RARB: variants seen among roughly 807,000 people sequenced by gnomAD.
RARB encodes HBV-activated protein.
A neutral mutation model predicts 51.9 loss-of-function variants in RARB; 17 were observed. That is an observed-to-expected ratio of 0.33 (90% CI 0.22 to 0.49). The LOEUF is 0.49. RARB is among the 20% of genes least tolerant of loss of function. The probability of loss-of-function intolerance (pLI) is 0.99; values close to 1 mark genes in which losing one functional copy is unlikely to be tolerated. For synonymous variants in RARB, 215 were observed against 195.4 expected, an observed-to-expected ratio of 1.10 and a Z score of -0.84; for missense variants, 369 against 550.8, an observed-to-expected ratio of 0.67 and a Z score of 3.30.
chr3:25,044,880 T>A (rs2125296750), intron 2 of RARB, among the ~76,000 whole-genome samples: 1 of 152,304 alleles, frequency 6.6e-6, no homozygotes, highest in East Asian at 1.9e-4. Flanking sequence ...AGCAGTCCTG[T>A]CTCTCTTTAT....
chr3:25,567,201 T>C lies in RARB; in HGVS notation c.449-2557T>C, dbSNP rs557367180. On this transcript the variant is annotated intron_variant, in intron 3 of 7. Coordinates refer to ENST00000330688, the MANE Select transcript of RARB (RefSeq NM_000965.5). ...CATTTTAAACTGTACCATTCAGCGG[T>C]GCGTAGTGGATCCACTAAGTTGTGC... Among the ~76,000 whole-genome samples, 15 of 152,292 alleles carry C rather than the reference T, an allele frequency of 9.8e-5. No homozygotes were observed. In the South Asian group the frequency reaches 3.1e-3, roughly 32 times the overall value.
intron 5 of RARB, among the ~76,000 whole-genome samples, chr3:25,186,941 T>TGTG (rs1700993147): frequency 1.8e-5 from 1 of 56,328 alleles, no homozygotes; most frequent in Admixed American, 2.1e-4. Flanking sequence ...GTGTGTGTGT[T>TGTG]TTCCTGCTAA....
intron 3 of RARB, among the ~76,000 whole-genome samples, chr3:25,068,390 C>T (rs1698706168): frequency 1.3e-5 from 2 of 151,634 alleles, no homozygotes; most frequent in Admixed American, 6.6e-5. Context: ...CATACTTCTC[C>T]CATGACAAGA....
In RARB at chr3:25,593,927, CTATTA is replaced by C. The variant is rs914878091; in HGVS notation, c.991+221_991+225del. On this transcript the variant is annotated intron_variant, in intron 6 of 7. Transcript: ENST00000330688. ...CTGCTCAGAAAGAAATCCCAAAAAG[CTATTA>C]CTCCAATTGCCACAGATTTTTTTTC... is the stretch of plus-strand genomic sequence containing the variant. Among the ~76,000 whole-genome samples the C allele has an allele frequency of 3.3e-4, 50 of 152,210 alleles. 1 individual carries two copies. The Middle Eastern group carries it at 0.01, about 31-fold the overall frequency.
intron 5 of RARB, among the ~76,000 whole-genome samples, chr3:25,410,808 A>G (rs559223764): frequency 5.5e-4 from 84 of 152,338 alleles, no homozygotes; most frequent in African/African-American, 2.0e-3. Context: ...CAAACACTGC[A>G]TATCAGGGCC....
intron 2 of RARB, among the ~76,000 whole-genome samples, chr3:25,481,360 C>T (rs112648963): frequency 1.2e-4 from 18 of 152,138 alleles, no homozygotes; most frequent in African/African-American, 4.1e-4. Flanking sequence ...CCTTAAATGC[C>T]AGGAAGAAAT....
At chr3:25,482,589 G>A (rs1447335066) in intron 2 of RARB, among the ~76,000 whole-genome samples, 2 of 132,056 alleles carry the variant, frequency 1.5e-5, no homozygotes, top group Non-Finnish European at 3.0e-5. Context: ...TCCCAGGCCG[G>A]AGTGCAGTGG....
intron 3 of RARB, among the ~76,000 whole-genome samples, chr3:25,066,604 A>AACACACACACACAC (rs5847340): frequency 2.7e-5 from 4 of 146,728 alleles, no homozygotes; most frequent in South Asian, 2.2e-4. Context: ...CGCACACATA[A>AACACACACACACAC]ACACACACAC....
chr3:25,326,778 A>T (rs1316800254), intron 5 of RARB, among the ~76,000 whole-genome samples: 1 of 152,178 alleles, frequency 6.6e-6, no homozygotes, highest in East Asian at 1.9e-4. Context: ...GGTAGGCTGG[A>T]TGACAATATC....
intron 3 of RARB, among the ~76,000 whole-genome samples, chr3:25,103,503 C>T (rs1021512023): frequency 4.6e-5 from 7 of 152,168 alleles, no homozygotes; most frequent in African/African-American, 1.7e-4. Context: ...GAACTCCTGC[C>T]ATCTTCAGGA....
chr3:24,839,801 AC>A (rs1702396533), intron 1 of RARB, among the ~76,000 whole-genome samples: 1 of 151,992 alleles, frequency 6.6e-6, no homozygotes, highest in Admixed American at 6.6e-5. Flanking sequence ...CGTGTTTAGA[AC>A]TAGGGAGAGA....
At chr3:25,129,460 A>C (rs887925935) in intron 3 of RARB, among the ~76,000 whole-genome samples, 1 of 152,116 alleles carries the variant, frequency 6.6e-6, no homozygotes, top group African/African-American at 2.4e-5. Flanking sequence ...TTCAATTTGT[A>C]TTGAAATAAC....
At chr3:25,564,365 A>G (rs956992198) in intron 3 of RARB, among the ~76,000 whole-genome samples, 2 of 152,230 alleles carry the variant, frequency 1.3e-5, no homozygotes, top group Non-Finnish European at 2.9e-5. Flanking sequence ...TTCATCCAAG[A>G]AGCGCTTTGC....
At chr3:25,251,589 G>C (rs1434070580) in intron 5 of RARB, among the ~76,000 whole-genome samples, 4 of 152,046 alleles carry the variant, frequency 2.6e-5, no homozygotes, top group Non-Finnish European at 5.9e-5. Context: ...TGTGGTTTTG[G>C]TTGGCATTTT....
intron 5 of RARB, among the ~76,000 whole-genome samples, chr3:25,347,876 G>A (rs1412207606): frequency 6.6e-6 from 1 of 152,294 alleles, no homozygotes; most frequent in African/African-American, 2.4e-5. Flanking sequence ...TGGTGATGTT[G>A]CAGGAGTATG....
At chr3:25,077,891 A>G (rs573163954) in intron 3 of RARB, among the ~76,000 whole-genome samples, 1 of 152,310 alleles carries the variant, frequency 6.6e-6, no homozygotes, top group South Asian at 2.1e-4. Flanking sequence ...TGTTTTTGGT[A>G]TAAAGCAGTA....
intron 2 of RARB, among the ~76,000 whole-genome samples, chr3:24,992,388 A>T (rs2125435588): frequency 6.6e-6 from 1 of 152,188 alleles, no homozygotes; most frequent in South Asian, 2.1e-4. Flanking sequence ...TGTCCTCTTA[A>T]ACAGCTTATG....
rs569165468 is a variant in RARB, at chr3:25,261,028, C to T, written c.178+86453C>T. Among the ~76,000 whole-genome samples, 26 of 152,170 alleles carry T rather than the reference C, an allele frequency of 1.7e-4. No individual in the cohort carries two copies. In the Middle Eastern group the frequency reaches 0.01, roughly 60 times the overall value. ...CTATTTCTTTATCTGTAAAATGAGG[C>T]TAAGAGTAGTATCTACCTCCTAGGG... On this transcript the variant is annotated intron_variant, in intron 5 of 11. Transcript: ENST00000383772.
intron 5 of RARB, among the ~76,000 whole-genome samples, chr3:25,316,864 A>C (rs745886683): frequency 2.6e-5 from 4 of 152,218 alleles, no homozygotes; most frequent in African/African-American, 4.8e-5. Flanking sequence ...AAGTCCTAAA[A>C]TTCAAGAAGG....
Sources: allele counts gnomAD v4.1 joint callset (sites outside exome capture counted in the v4.1 genomes callset), GRCh38; gene constraint gnomAD v4.1.1; transcripts MANE v1.5; gene names NCBI Gene and HGNC (gene_info 2026-07-23, HGNC 2026-07-21).